Variants in MCF2L observed in about 807,000 individuals in gnomAD.
MCF2L encodes the protein guanine nucleotide exchange factor DBS.
In MCF2L, 97 loss-of-function variants were observed where a neutral mutation model predicts 153.4. The ratio of observed to expected loss-of-function variants is 0.63; its 90% CI spans 0.54 to 0.75. The LOEUF (loss-of-function observed/expected upper bound fraction) is 0.75. MCF2L is among the 30% of genes least tolerant of loss of function. MCF2L has a pLI of 0.00. For missense variants in MCF2L, 1,347 were observed against 1,495.2 expected, an observed-to-expected ratio of 0.90 and a Z score of 1.64; for synonymous variants, 659 against 632.2, an observed-to-expected ratio of 1.04 and a Z score of -0.64.
At chr13:112,981,282 C>T (rs1260388340) in intron 1 of MCF2L, among the ~76,000 whole-genome samples, 1 of 152,186 alleles carries the variant, frequency 6.6e-6, no homozygotes, top group Non-Finnish European at 1.5e-5. Flanking sequence ...CCACCCTGTT[C>T]CTTGTGGGAG....
At chr13:113,003,968 C>A (rs2083530387) in intron 1 of MCF2L, among the ~76,000 whole-genome samples, 1 of 152,194 alleles carries the variant, frequency 6.6e-6, no homozygotes, top group Non-Finnish European at 1.5e-5. Flanking sequence ...CACTTGGATT[C>A]CACAGAGAGG....
In MCF2L at chr13:112,981,095, G is replaced by A. The variant is rs530086584; in HGVS notation, c.79+11637G>A. On this transcript the variant is annotated intron_variant, in intron 1 of 29. Transcript: ENST00000535094. The stretch of plus-strand genomic sequence containing the variant: ...TCCTGTGCACTGGGGACCCCGACAC[G>A]TCCCTTCCTGTGCACTGGGGACCCC... 1.8e-4 allele frequency among the ~76,000 whole-genome samples: 27 copies of A among 150,096 alleles called. No homozygotes were observed. The South Asian group carries it at 3.6e-3, about 20-fold the overall frequency.
At chr13:112,920,186 A>T (rs1316539420) in intron 2 of MCF2L, among the ~76,000 whole-genome samples, 1 of 152,204 alleles carries the variant, frequency 6.6e-6, no homozygotes, top group Non-Finnish European at 1.5e-5. Context: ...TGAACTGCAG[A>T]GTGAAGAGCT....
At chr13:113,042,342 G>A (rs555264239) in intron 3 of MCF2L, 1 of 152,350 alleles carries the variant, frequency 6.6e-6, no homozygotes, top group Admixed American at 6.5e-5. Flanking sequence ...TTGAGAAACT[G>A]ATTTCCTAGT....
rs35309929 is a variant in MCF2L at position 113,075,382 on chromosome 13, CTT to C, written c.1308+207_1308+208del. 8.0e-4 allele frequency among the ~76,000 whole-genome samples: 115 copies of C among 144,310 alleles called. 2 individuals are homozygous for C. The highest frequency in any genetic ancestry group is 8.9e-4 in the Admixed American group (13 of 14,626). The allele number at this position is 144,310 out of a possible 152,430, so 94.7% of individuals were successfully genotyped here. A position where few individuals can be genotyped will look rare whatever the true frequency, so the allele number is the denominator to read the frequency against. On this transcript the variant is annotated intron_variant, in intron 11 of 29. Transcript: ENST00000535094. ...GAATTCATTTGCCACAGTTTTATTT[CTT>C]TTTTTTTTTTTTTCTCACTGCAACC...
intron 1 of MCF2L, chr13:113,010,009 A>G (rs1013897398): frequency 3.9e-5 from 6 of 152,002 alleles, no homozygotes; most frequent in Non-Finnish European, 8.8e-5. Context: ...TCCTCTGCCC[A>G]CGGTCACCAG....
At chr13:112,895,708 C>G (rs2081060689) in intron 1 of MCF2L, among the ~76,000 whole-genome samples, 1 of 152,144 alleles carries the variant, frequency 6.6e-6, no homozygotes, top group East Asian at 1.9e-4. Context: ...AAGCTGACAG[C>G]TAGGTGGGCA....
chr13:113,008,335 C>T (rs567407580), intron 1 of MCF2L, among the ~76,000 whole-genome samples: 10 of 151,356 alleles, frequency 6.6e-5, no homozygotes, highest in East Asian at 3.9e-4. Flanking sequence ...TACAGGGGAA[C>T]GGTAATGTTG....
intron 2 of MCF2L, among the ~76,000 whole-genome samples, chr13:112,953,322 T>C (rs1156602072): frequency 6.6e-6 from 1 of 152,132 alleles, no homozygotes; most frequent in Non-Finnish European, 1.5e-5. Context: ...TGGGTGGGGT[T>C]GCCTGGCCCC....
At chr13:113,042,882 G>A (rs945793899) in intron 3 of MCF2L, 5 of 152,268 alleles carry the variant, frequency 3.3e-5, no homozygotes, top group African/African-American at 1.2e-4. Context: ...TGGAGTAGCG[G>A]GGGCATTTGT....
chr13:113,032,329 G>C (rs758137204), intron 3 of MCF2L, among the ~76,000 whole-genome samples: 1 of 152,194 alleles, frequency 6.6e-6, no homozygotes, highest in Non-Finnish European at 1.5e-5. Flanking sequence ...CTGTGAGCGT[G>C]TGTGAGCGTG....
In MCF2L at chr13:113,031,002, T is replaced by C. The variant is rs1181900057; in HGVS notation, c.278+6244T>C. ...GAGGGCGTACAGGGCAGCAGGGCTG[T>C]GGGAAAACAATGTGAGAAAGAAAGA... On this transcript the variant is annotated intron_variant, in intron 3 of 29. Transcript: ENST00000535094. This position sits in a 1 kb window ranked among gnomAD's most constrained non-coding sequence, Gnocchi z 5.5. 6.6e-6 allele frequency among the ~76,000 whole-genome samples: 1 copy of C among 151,434 alleles called. No homozygotes were observed. Among genetic ancestry groups the C allele is most frequent in the Non-Finnish European group, 1.5e-5 (1 of 67,886 alleles).
chr13:113,030,708 TCCTAATGGAGCTCCATTTAACCAA>T (rs1372802891), intron 3 of MCF2L, among the ~76,000 whole-genome samples: 1 of 152,178 alleles, frequency 6.6e-6, no homozygotes, highest in African/African-American at 2.4e-5. Flanking sequence ...CCCTTCCTAC[TCCTAATGGAGCTCCATTTAACCAA>T]CATCGGCCAG....
At chr13:112,946,027 C>G (rs572281426) in intron 2 of MCF2L, among the ~76,000 whole-genome samples, 1 of 152,112 alleles carries the variant, frequency 6.6e-6, no homozygotes, top group Non-Finnish European at 1.5e-5. Context: ...CCGGGCTCTT[C>G]TGGGGTATCA....
chr13:113,090,422 C>T (rs1393404992), intron 26 of MCF2L: 1 of 985,086 alleles, frequency 1.0e-6, no homozygotes. Context: ...TCCAGGCCCC[C>T]TCCTTCCTCT....
chr13:113,064,020 C>T lies in MCF2L; in HGVS notation c.490-284C>T, dbSNP rs1217121442. On this transcript the variant is annotated intron_variant, in intron 5 of 29. Coordinates refer to ENST00000535094, the MANE Select transcript of MCF2L (RefSeq NM_001112732.3). This position sits in a 1 kb window ranked among gnomAD's most constrained non-coding sequence, Gnocchi z 6.0. ...GGTCACAAAGCCTATGGCTAGTGTGCAGTGCCTGCCAAATAGCAGGGAAGG... is the reference window on the plus strand; with the variant it reads ...GGTCACAAAGCCTATGGCTAGTGTGTAGTGCCTGCCAAATAGCAGGGAAGG... 4.3e-5 allele frequency: 19 copies of T among 443,356 alleles called. 1 individual carries two copies. The highest frequency in any genetic ancestry group is 7.7e-5 in the Non-Finnish European group (18 of 233,942). 27.5% of individuals were successfully genotyped at this position (443,356 alleles called of 1,614,324 possible). A position where few individuals can be genotyped will look rare whatever the true frequency, so the allele number is the denominator to read the frequency against.
At chr13:113,057,698 G>C (rs1289150429) in intron 4 of MCF2L, among the ~76,000 whole-genome samples, 1 of 146,924 alleles carries the variant, frequency 6.8e-6, no homozygotes, top group East Asian at 2.1e-4. Flanking sequence ...CTGAGTGTTT[G>C]GGTGCTGAGT....
At chr13:113,020,273 C>A (rs1340585525) in intron 2 of MCF2L, among the ~76,000 whole-genome samples, 1 of 152,182 alleles carries the variant, frequency 6.6e-6, no homozygotes, top group Non-Finnish European at 1.5e-5. Flanking sequence ...GTGTTTGGGC[C>A]GAGGCATCAC....
At position 112,960,559 on chromosome 13, in the gene MCF2L, G is replaced by A. The variant is rs1566662252; in HGVS notation, c.170-54204G>A. On this transcript the variant is annotated intron_variant, in intron 2 of 29. Coordinates refer to the MCF2L transcript ENST00000375608. This position sits in a 1 kb window ranked among gnomAD's most constrained non-coding sequence, Gnocchi z 4.2. ...TAGGCTGTCATTCTGGGGAAGGGGG[G>A]CTTTGGGGTTTCGGTGTCCAGGGCT... is the stretch of plus-strand genomic sequence containing the variant. Among the ~76,000 whole-genome samples, 1 of 152,170 alleles carries A rather than the reference G, an allele frequency of 6.6e-6. No homozygotes were observed. Among genetic ancestry groups the A allele is most frequent in the Non-Finnish European group, 1.5e-5 (1 of 68,018 alleles).
Sources: gnomAD v4.1 joint callset for allele counts (sites outside exome capture counted in the v4.1 genomes callset) on GRCh38, gnomAD v4.1.1 for gene constraint, Gnocchi (gnomAD v3.1) non-coding constraint, MANE v1.5 for transcripts, NCBI Gene and HGNC (gene_info 2026-07-23, HGNC 2026-07-21) for gene names.